The following GIT2 variants were observed in gnomAD, a reference collection of about 807,000 sequenced individuals.
The protein encoded by GIT2 is GIT ArfGAP 2.
In GIT2, 32 loss-of-function variants were observed where a neutral mutation model predicts 100.3. The ratio of observed to expected loss-of-function variants is 0.32; its 90% confidence interval spans 0.24 to 0.43. The LOEUF (loss-of-function observed/expected upper bound fraction) is 0.43. Among genes scored for constraint, GIT2 ranks in the 20% least tolerant of loss-of-function variants. GIT2 has a pLI of 1.00. For missense variants in GIT2, 737 were observed against 975.1 expected (o/e 0.76, Z 3.25); for synonymous variants, 353 against 364.1 (o/e 0.97, Z 0.35).
In GIT2 at chr12:109,991,756, A is replaced by G. The variant is rs1452233804; in HGVS notation, c.57T>C (p.Pro19=). ...TTCCCCTATTTACTGATGCCCAGGAAGGATCTGGAAAGAGAGTGAAATCTC... is the reference window on the plus strand; with the variant it reads ...TTCCCCTATTTACTGATGCCCAGGAGGGATCTGGAAAGAGAGTGAAATCTC... ...EVCADCSGPD[P]SWASVNRGTF... The change falls in exon 2 of 20, where the codon CCT becomes CCC. Residue 19 remains proline (P), a synonymous_variant. Transcript: ENST00000355312. 2.5e-6 allele frequency: 4 copies of G among 1,612,262 alleles called. No homozygotes were observed. The highest frequency in any genetic ancestry group is 3.4e-6 in the Non-Finnish European group (4 of 1,179,096).
intron 12 of GIT2, among the ~76,000 whole-genome samples, chr12:109,957,444 T>C (rs985226902): frequency 6.6e-6 from 1 of 152,166 alleles, no homozygotes; most frequent in Non-Finnish European, 1.5e-5. Context: ...TCTCAGGTAT[T>C]CTTTTATAGC....
intron 7 of GIT2, among the ~76,000 whole-genome samples, chr12:109,974,313 G>A (rs935521333): frequency 6.6e-6 from 1 of 152,096 alleles, no homozygotes; most frequent in African/African-American, 2.4e-5. Context: ...GATCACCTGA[G>A]GCCAGGAGTT....
At chr12:109,974,534 A>G (rs1187464347) in intron 7 of GIT2, among the ~76,000 whole-genome samples, 1 of 152,228 alleles carries the variant, frequency 6.6e-6, no homozygotes, top group Non-Finnish European at 1.5e-5. Context: ...TCCAAAAAAA[A>G]GCAGCATGTT....
chr12:109,947,201 C>T lies in GIT2; in HGVS notation c.1641+55G>A. 5 of 1,547,226 alleles carry T rather than the reference C, an allele frequency of 3.2e-6. No individual in the cohort carries two copies. Among genetic ancestry groups the T allele is most frequent in the Non-Finnish European group, 4.4e-6 (5 of 1,137,660 alleles). On this transcript the variant is annotated intron_variant, in intron 15 of 19. Coordinates refer to ENST00000355312, the MANE Select transcript of GIT2 (RefSeq NM_057169.5). This position sits in a 1 kb window ranked among gnomAD's most constrained non-coding sequence, Gnocchi z 4.3. The stretch of plus-strand genomic sequence containing the variant: ...GGACCTGTAGGTTCAGAAGAGGGAA[C>T]AGAGTAGACAGGCTGCATAGAGTGA...
intron 16 of GIT2, among the ~76,000 whole-genome samples, chr12:109,944,342 G>A (rs1875674892): frequency 2.0e-5 from 3 of 152,146 alleles, no homozygotes; most frequent in African/African-American, 7.2e-5. Flanking sequence ...CTTACCCACA[G>A]CCACCTTCCT....
At chr12:109,991,107 C>T (rs1193939286) in intron 2 of GIT2, among the ~76,000 whole-genome samples, 2 of 151,980 alleles carry the variant, frequency 1.3e-5, no homozygotes, top group Non-Finnish European at 2.9e-5. Context: ...TTCAGGAGTT[C>T]GAGACCAGCC....
chr12:109,979,984 C>A (rs896997059), intron 7 of GIT2, among the ~76,000 whole-genome samples: 1 of 152,224 alleles, frequency 6.6e-6, no homozygotes, highest in Admixed American at 6.5e-5. Context: ...ACGACTTAAC[C>A]TATTCAACTC....
Position 109,947,348 on chromosome 12 carries a change from C to T in GIT2, c.1549G>A (p.Glu517Lys). 6.2e-7 allele frequency: 1 copy of T among 1,614,052 alleles called. No individual in the cohort carries two copies. Among genetic ancestry groups the T allele is most frequent in the Non-Finnish European group, 8.5e-7 (1 of 1,179,930 alleles). Reference protein sequence around the residue: ...ARGSRPMSMYETGSGQKPYLP... With the variant: ...ARGSRPMSMYKTGSGQKPYLP... The stretch of plus-strand genomic sequence containing the variant: ...TATGGTTTCTGACCTGATCCGGTCT[C>T]GTACATGGACATGGGCCTACTGCCC... The change falls in exon 15 of 20, where the codon GAG (glutamate) becomes AAG (lysine). Residue 517 changes from glutamate (E) to lysine (K), a missense_variant. By Grantham distance (56) the Glu-to-Lys change is moderately conservative (BLOSUM62 1). Coordinates refer to ENST00000355312, the MANE Select transcript of GIT2 (RefSeq NM_057169.5). The surrounding 1 kb of genome is among the most constrained non-coding windows in gnomAD (Gnocchi z 4.3).
At chr12:109,955,369 G>A (rs1879137003) in intron 12 of GIT2, among the ~76,000 whole-genome samples, 1 of 152,012 alleles carries the variant, frequency 6.6e-6, no homozygotes, top group Non-Finnish European at 1.5e-5. Flanking sequence ...CTCGTGATCT[G>A]CCCACCTCGG....
intron 12 of GIT2, among the ~76,000 whole-genome samples, chr12:109,956,591 T>A (rs972470725): frequency 2.0e-5 from 3 of 152,232 alleles, no homozygotes; most frequent in Non-Finnish European, 2.9e-5. Context: ...GTAGATGAAT[T>A]TGTAAATATG....
intron 7 of GIT2, among the ~76,000 whole-genome samples, chr12:109,970,805 T>G (rs550840652): frequency 3.3e-5 from 5 of 152,230 alleles, no homozygotes; most frequent in Non-Finnish European, 7.3e-5. Flanking sequence ...ATTATTATTT[T>G]TGGAAATGAG....
In GIT2 at chr12:109,947,416, T is replaced by C. The variant is rs1268233291; in HGVS notation, c.1481A>G (p.Asp494Gly). The C allele has an allele frequency of 6.2e-7, 1 of 1,614,038 alleles. No individual in the cohort carries two copies. The highest frequency in any genetic ancestry group is 1.1e-5 in the South Asian group (1 of 91,082). ...CTTTAAGGAAGAGTGGTTGGAAGTG[T>C]CTGTGTACTCAGAACCAGTTTGCAC... ...YQVQTGSEYT[D>G]TSNHSSLKRR... Residue 494 changes from aspartate (D) to glycine (G), a missense_variant, in exon 15 of 20, where the codon GAC (aspartate) becomes GGC (glycine). Asp to Gly is a moderately conservative substitution (Grantham distance 94, BLOSUM62 -1). Transcript: ENST00000355312. The surrounding 1 kb of genome is among the most constrained non-coding windows in gnomAD (Gnocchi z 4.3).
chr12:109,950,986 G>C, intron 14 of GIT2, 181 bp downstream of exon 14: 1 of 654,260 alleles, frequency 1.5e-6, no homozygotes, highest in Non-Finnish European at 2.7e-6. Flanking sequence ...ACTTACTCTG[G>C]ATATATTTCA....
At chr12:109,960,873 T>C (rs1880879512) in intron 11 of GIT2, among the ~76,000 whole-genome samples, 1 of 152,234 alleles carries the variant, frequency 6.6e-6, no homozygotes, top group Non-Finnish European at 1.5e-5. Flanking sequence ...AAATTGCTTT[T>C]CTAACATCTA....
chr12:109,951,564 G>T (rs1302497839), intron 13 of GIT2, among the ~76,000 whole-genome samples: 3 of 152,140 alleles, frequency 2.0e-5, no homozygotes, highest in Non-Finnish European at 4.4e-5. Flanking sequence ...GACAATGACT[G>T]TCTAAGGAGG....
chr12:109,977,269 G>A (rs1593106637), intron 7 of GIT2, among the ~76,000 whole-genome samples: 1 of 151,966 alleles, frequency 6.6e-6, no homozygotes, highest in African/African-American at 2.4e-5. Flanking sequence ...GCCTGTAATC[G>A]GGAGGCCCAG....
At chr12:109,936,752 C>T (rs907605775) in intron 18 of GIT2, among the ~76,000 whole-genome samples, 1 of 152,084 alleles carries the variant, frequency 6.6e-6, no homozygotes, top group South Asian at 2.1e-4. Flanking sequence ...CACCTGTAAT[C>T]CCAGCTACTT....
rs753103354 is a variant in GIT2 at position 109,961,646 on chromosome 12, A to G, written c.856T>C (p.Tyr286His). Residue 286 changes from tyrosine (Y) to histidine (H), a missense_variant, in exon 10 of 20, where the codon TAC becomes CAC. This residue lies in a region of GIT2 where 266 missense variants were observed against 376.2 expected (regional missense o/e 0.71). Coordinates refer to ENST00000355312, the MANE Select transcript of GIT2 (RefSeq NM_057169.5). ...HLFEELAMDV[Y>H]DEVDRRETDA... ...GTCTCTCGCCTGTCAACTTCATCGT[A>G]CACATCCATGGCAAGTTCTTCAAAC... 8 of 1,607,870 alleles carry G rather than the reference A, an allele frequency of 5.0e-6. No individual in the cohort carries two copies. The highest frequency in any genetic ancestry group is 6.8e-6 in the Non-Finnish European group (8 of 1,174,472).
At chr12:109,961,200 A>C in intron 11 of GIT2, 78 bp downstream of exon 11, 2 of 812,126 alleles carry the variant, frequency 2.5e-6, no homozygotes, top group Non-Finnish European at 2.1e-6. Context: ...AAACATTTAG[A>C]ATAGTTTTCC....
Sources: allele counts gnomAD v4.1 joint callset (sites outside exome capture counted in the v4.1 genomes callset), GRCh38; gene constraint gnomAD v4.1.1; regional missense constraint gnomAD v4.1.1; non-coding constraint Gnocchi (gnomAD v3.1); transcripts MANE v1.5; gene names NCBI Gene and HGNC (gene_info 2026-07-23, HGNC 2026-07-21).